Variants in FAM168A observed in about 807,000 individuals in gnomAD.
FAM168A encodes protein FAM168A.
FAM168A carries 3 observed loss-of-function variants against 28.5 expected under a neutral mutation model. The ratio of observed to expected loss-of-function variants is 0.11; its 90% CI spans 0.05 to 0.27. The LOEUF is 0.27. FAM168A is among the 10% of genes least tolerant of loss of function. The pLI is 1.00. For synonymous variants in FAM168A, 122 were observed against 124.2 expected, an observed-to-expected ratio of 0.98 and a Z score of 0.12; for missense variants, 222 against 311.5, an observed-to-expected ratio of 0.71 and a Z score of 2.16.
At chr11:73,411,642 A>C in intron 4 of FAM168A, 106 bp from the exon 5 acceptor site, 1 of 1,221,264 alleles carries the variant, frequency 8.2e-7, no homozygotes, top group East Asian at 2.5e-5. Context: ...GGCTGAATCC[A>C]GGCTGGAAAC....
chr11:73,510,874 C>T (rs1855210133), intron 1 of FAM168A: 3 of 299,840 alleles, frequency 1.0e-5, no homozygotes, highest in Non-Finnish European at 1.2e-5. Context: ...ATGGAAGCTG[C>T]TCTGTGACCA....
chr11:73,576,868 C>CA (rs780223197), intron 1 of FAM168A, among the ~76,000 whole-genome samples: 7 of 151,744 alleles, frequency 4.6e-5, no homozygotes, highest in African/African-American at 7.3e-5. Context: ...CCCTGGCTCT[C>CA]ACAATACAAA....
intron 1 of FAM168A, among the ~76,000 whole-genome samples, chr11:73,582,947 G>C (rs2134737455): frequency 6.6e-6 from 1 of 152,296 alleles, no homozygotes; most frequent in Middle Eastern, 3.4e-3. Flanking sequence ...GGCTAAAGTA[G>C]AGTAGAGACA....
At chr11:73,461,453 T>C (rs368571882) in intron 2 of FAM168A, among the ~76,000 whole-genome samples, 7 of 152,152 alleles carry the variant, frequency 4.6e-5, no homozygotes, top group South Asian at 2.1e-4. Context: ...TAGGCACTTA[T>C]TAGACCTCAG....
intron 1 of FAM168A, among the ~76,000 whole-genome samples, chr11:73,489,510 CTT>C (rs56910886): frequency 7.2e-5 from 10 of 139,844 alleles, no homozygotes; most frequent in Non-Finnish European, 6.2e-5. Flanking sequence ...CCATCCCCCA[CTT>C]TTTTTTTTTT....
chr11:73,480,363 TG>T (rs557503336), intron 1 of FAM168A, among the ~76,000 whole-genome samples: 92 of 151,178 alleles, frequency 6.1e-4, no homozygotes, highest in Admixed American at 3.2e-3. Flanking sequence ...CTACAGCAAA[TG>T]CTTACAAATA....
At chr11:73,440,052 A>G (rs1867166594) in intron 2 of FAM168A, among the ~76,000 whole-genome samples, 1 of 151,608 alleles carries the variant, frequency 6.6e-6, no homozygotes, top group Admixed American at 6.6e-5. Context: ...CGCCCAGCTA[A>G]TTTTTGTATT....
At position 73,420,013 on chromosome 11, in the gene FAM168A, A is replaced by G. The variant is rs750836435; in HGVS notation, c.152-14T>C. On this transcript the variant is annotated splice_polypyrimidine_tract_variant and intron_variant, in intron 3 of 7. Transcript: ENST00000356467. ...TCAGCAGAGTTGCTTAAGGGAAGAC[A>G]CAAGAATGGCATTAGACAGAAATAA... is the stretch of plus-strand genomic sequence containing the variant. 3.1e-6 allele frequency: 5 copies of G among 1,612,892 alleles called. No individual in the cohort carries two copies. The South Asian group carries it at 5.5e-5, about 18-fold the overall frequency.
intron 1 of FAM168A, among the ~76,000 whole-genome samples, chr11:73,488,802 T>A (rs1244251840): frequency 6.6e-6 from 1 of 152,208 alleles, no homozygotes; most frequent in African/African-American, 2.4e-5. Flanking sequence ...CATATTAACA[T>A]ACTGTTACTT....
intron 1 of FAM168A, among the ~76,000 whole-genome samples, chr11:73,469,327 T>C (rs1298486316): frequency 5.3e-5 from 8 of 152,226 alleles, no homozygotes. Flanking sequence ...CATTTGAAAA[T>C]GTGTCTCCAA....
intron 1 of FAM168A, among the ~76,000 whole-genome samples, chr11:73,583,908 G>A (rs1396911464): frequency 6.6e-6 from 1 of 152,162 alleles, no homozygotes. Flanking sequence ...TAAGTCAAGA[G>A]TTTAACACTA....
chr11:73,562,438 G>A (rs1188140910), intron 1 of FAM168A, among the ~76,000 whole-genome samples: 1 of 146,804 alleles, frequency 6.8e-6, no homozygotes, highest in Non-Finnish European at 1.5e-5. Context: ...CAAGGAGAAA[G>A]TGTTTTCCAT....
chr11:73,511,789 T>C lies in FAM168A; in HGVS notation c.-18-43297A>G, dbSNP rs565912054. ...GTTTCCTCATCTGTAGTAATGTGAC[T>C]AAGGATCCCCACACTTCACAGGATT... On this transcript the variant is annotated intron_variant, in intron 1 of 7. Coordinates refer to ENST00000356467, the MANE Select transcript of FAM168A (RefSeq NM_015159.3). Among the ~76,000 whole-genome samples the C allele has an allele frequency of 2.1e-4, 32 of 152,278 alleles. 1 individual carries two copies. The South Asian group carries it at 6.4e-3, about 31-fold the overall frequency.
At chr11:73,540,401 T>C (rs569609401) in intron 1 of FAM168A, among the ~76,000 whole-genome samples, 92 of 152,192 alleles carry the variant, frequency 6.0e-4, no homozygotes, top group Non-Finnish European at 1.1e-3. Flanking sequence ...AAACGTCAGA[T>C]ACTCTGCCCA....
rs112144743 is a variant in FAM168A, at chr11:73,430,810, A to C, written c.71-40T>G. On this transcript the variant is annotated intron_variant, in intron 2 of 7. Transcript: ENST00000356467. Reference sequence around the variant, plus strand: ...GAAAAGGCTTATTTAGTTAGGCAAAAAAAACAAAACAAAACAAAACAAAAC... The same window carrying C: ...GAAAAGGCTTATTTAGTTAGGCAAACAAAACAAAACAAAACAAAACAAAAC... 5.5e-4 allele frequency: 817 copies of C among 1,484,014 alleles called. 2 individuals carry two copies. The highest frequency in any genetic ancestry group is 3.9e-3 in the African/African-American group (273 of 70,142). The allele number at this position is 1,484,014 out of a possible 1,614,324, so 91.9% of individuals were successfully genotyped here. A position where few individuals can be genotyped will look rare whatever the true frequency, so the allele number is the denominator to read the frequency against.
At chr11:73,420,035 A>T (rs778420084) in intron 3 of FAM168A, 36 bp from the exon 4 acceptor site, 8 of 1,609,354 alleles carry the variant, frequency 5.0e-6, no homozygotes, top group Non-Finnish European at 5.1e-6. Context: ...TTAGACAGAA[A>T]TAAGAAGTGG....
chr11:73,515,459 G>A (rs1943288966), intron 1 of FAM168A, among the ~76,000 whole-genome samples: 1 of 146,350 alleles, frequency 6.8e-6, no homozygotes, highest in Admixed American at 6.9e-5. Flanking sequence ...AGTGAGCCGA[G>A]ATTGTGCCAT....
chr11:73,427,212 C>A (rs1292809560), intron 3 of FAM168A, among the ~76,000 whole-genome samples: 1 of 152,000 alleles, frequency 6.6e-6, no homozygotes, highest in Non-Finnish European at 1.5e-5. Context: ...AGGATGGTCT[C>A]TATCTCCTGA....
intron 2 of FAM168A, among the ~76,000 whole-genome samples, chr11:73,443,422 G>A (rs950237693): frequency 1.3e-4 from 20 of 152,150 alleles, no homozygotes; most frequent in African/African-American, 4.3e-4. Flanking sequence ...CCTGATATTA[G>A]GCTGCCAGGG....
Sources: allele counts gnomAD v4.1 joint callset (sites outside exome capture counted in the v4.1 genomes callset), GRCh38; gene constraint gnomAD v4.1.1; transcripts MANE v1.5; gene names NCBI Gene and HGNC (gene_info 2026-07-23, HGNC 2026-07-21).